Variants in OCA2 observed in about 807,000 individuals in gnomAD.
OCA2 encodes the protein OCA2 melanosomal transmembrane protein.
Under a neutral mutation model 100.2 loss-of-function variants are expected in OCA2, and 77 were observed. That is an observed-to-expected ratio of 0.77 (90% CI 0.64 to 0.93). The LOEUF (loss-of-function observed/expected upper bound fraction) is 0.93. Among genes scored for constraint, OCA2 ranks in the 40% least tolerant of loss-of-function variants. The pLI is 0.00. For missense variants in OCA2, 1,062 were observed against 1,089.1 expected, an observed-to-expected ratio of 0.98 and a Z score of 0.35; for synonymous variants, 432 against 439.2, an observed-to-expected ratio of 0.98 and a Z score of 0.21.
chr15:27,730,287 T>C, the OCA2 span, among the ~76,000 whole-genome samples: 1 of 152,058 alleles, frequency 6.6e-6, no homozygotes, highest in Non-Finnish European at 1.5e-5. Context: ...TAGTGTAAGG[T>C]CCTGGGGGAA....
rs150417530 is a variant in OCA2, at chr15:27,912,250, C to T, written c.2079+13877G>A. On this transcript the variant is annotated intron_variant, in intron 19 of 23. Transcript: ENST00000354638. ...GCTGATTGCGGAGGCCTAGATTCAG[C>T]GACATCTAAATTGCTACACACACAC... 6.2e-3 allele frequency among the ~76,000 whole-genome samples: 951 copies of T among 152,232 alleles called. 5 individuals are homozygous for T. The highest frequency in any genetic ancestry group is 0.017 in the Middle Eastern group (5 of 294).
chr15:27,851,368 C>A lies in OCA2; in HGVS notation c.2338+14G>T, dbSNP rs2035743932. ...GCGTGCACCCCCACCCCCATGCAGT[C>A]AGCAGCCCCTTACCTCCCAGGCAAG... On this transcript the variant is annotated intron_variant, in intron 22 of 23. Coordinates refer to ENST00000354638, the MANE Select transcript of OCA2 (RefSeq NM_000275.3). 1.2e-6 allele frequency: 2 copies of A among 1,611,102 alleles called. No individual in the cohort carries two copies. The highest frequency in any genetic ancestry group is 8.5e-7 in the Non-Finnish European group (1 of 1,177,948).
intron 21 of OCA2, 69 bp downstream of exon 21, chr15:27,871,085 A>G (rs2151495520): frequency 8.7e-7 from 1 of 1,152,662 alleles, no homozygotes; most frequent in East Asian, 2.3e-5. Context: ...CTGCCTTAGG[A>G]AGGGAGGGTG....
chr15:28,032,629 C>CA (rs59831968), intron 2 of OCA2, among the ~76,000 whole-genome samples: 13,441 of 140,972 alleles, frequency 0.095, 1,892 homozygotes, highest in African/African-American at 0.31. Context: ...ACTAAAAATA[C>CA]AAAAAAAAAA....
the OCA2 span, among the ~76,000 whole-genome samples, chr15:27,749,043 G>A: frequency 6.6e-6 from 1 of 152,262 alleles, no homozygotes; most frequent in Admixed American, 6.5e-5. Context: ...GAATGGGGCT[G>A]AAGGAATATT....
intron 18 of OCA2, among the ~76,000 whole-genome samples, chr15:27,937,891 T>C (rs2039513671): frequency 1.3e-5 from 2 of 152,222 alleles, no homozygotes; most frequent in African/African-American, 4.8e-5. Context: ...TAGTACACTT[T>C]GAGACATAAG....
chr15:28,071,172 T>TA (rs756669802), intron 2 of OCA2, among the ~76,000 whole-genome samples: 28,507 of 125,708 alleles, frequency 0.23, 5,038 homozygotes, highest in African/African-American at 0.52. Flanking sequence ...AAAAATAAAT[T>TA]AAAAAAAAAA....
intron 22 of OCA2, 104 bp downstream of exon 22, chr15:27,851,278 C>A: frequency 1.1e-6 from 1 of 918,600 alleles, no homozygotes; most frequent in South Asian, 1.4e-5. Context: ...ATCATCCAGA[C>A]TCTCCTTCAT....
the OCA2 span, among the ~76,000 whole-genome samples, chr15:27,722,846 CT>C: frequency 1.4e-5 from 2 of 146,964 alleles, no homozygotes; most frequent in Admixed American, 6.9e-5. Context: ...CTCTTTCTCT[CT>C]TTCTTTCTTT....
intron 19 of OCA2, among the ~76,000 whole-genome samples, chr15:27,925,871 A>G (rs1417333336): frequency 6.6e-6 from 1 of 152,246 alleles, no homozygotes; most frequent in African/African-American, 2.4e-5. Context: ...TATTTTATAG[A>G]AAATGAAATT....
At chr15:27,913,899 GCAAGCAAGCAAGCAAGCAAGCAA>G (rs2038549689) in intron 19 of OCA2, among the ~76,000 whole-genome samples, 1 of 32,824 alleles carries the variant, frequency 3.0e-5, no homozygotes, top group Admixed American at 4.3e-4. Context: ...AAGAAAGCAA[GCAAGCAAGCAAGCAAGCAAGCAA>G]GCAAGCAAGA....
chr15:27,874,544 A>C (rs1262461988), intron 19 of OCA2, among the ~76,000 whole-genome samples: 1 of 152,212 alleles, frequency 6.6e-6, no homozygotes, highest in Non-Finnish European at 1.5e-5. Flanking sequence ...ACAAGAAGAC[A>C]AGCAGCATGA....
the OCA2 span, among the ~76,000 whole-genome samples, chr15:27,724,685 C>G: frequency 1.3e-5 from 2 of 152,276 alleles, no homozygotes; most frequent in East Asian, 3.9e-4. Context: ...GGAACCCTGA[C>G]TGCTTTAGGG....
At chr15:28,028,547 A>G (rs1012631910) in intron 3 of OCA2, among the ~76,000 whole-genome samples, 4 of 152,138 alleles carry the variant, frequency 2.6e-5, no homozygotes, top group African/African-American at 9.7e-5. Context: ...AAGCATGAGC[A>G]GGAAGAGGGA....
chr15:28,022,878 A>T (rs1233707228), intron 5 of OCA2, among the ~76,000 whole-genome samples: 1 of 152,180 alleles, frequency 6.6e-6, no homozygotes, highest in East Asian at 1.9e-4. Flanking sequence ...AAGGCATATG[A>T]CCCCTGTGAT....
chr15:27,722,657 TCTTTCTTTC>T, the OCA2 span, among the ~76,000 whole-genome samples: 2 of 83,714 alleles, frequency 2.4e-5, no homozygotes, highest in African/African-American at 4.7e-5. Flanking sequence ...TTCTTTTCTC[TCTTTCTTTC>T]CTTTCTTTTC....
intron 23 of OCA2, among the ~76,000 whole-genome samples, chr15:27,770,848 T>TCCTCCCTC (rs1377170412): frequency 2.5e-4 from 25 of 98,996 alleles, no homozygotes; most frequent in East Asian, 1.1e-3. Context: ...CTCTTTTCCT[T>TCCTCCCTC]CCTTCCTTTC....
chr15:27,889,716 G>A (rs1325941798), intron 19 of OCA2, among the ~76,000 whole-genome samples: 2 of 152,212 alleles, frequency 1.3e-5, no homozygotes, highest in African/African-American at 2.4e-5. Context: ...CCAGGGAATG[G>A]GCAGGCTGTC....
chr15:27,962,003 A>G (rs1375071675), intron 15 of OCA2, among the ~76,000 whole-genome samples: 3 of 152,122 alleles, frequency 2.0e-5, no homozygotes, highest in African/African-American at 7.2e-5. Flanking sequence ...TTTTAAATTA[A>G]TTAATTAAAA....
Sources: allele counts gnomAD v4.1 joint callset (sites outside exome capture counted in the v4.1 genomes callset), GRCh38; gene constraint gnomAD v4.1.1; transcripts MANE v1.5; gene names NCBI Gene and HGNC (gene_info 2026-07-23, HGNC 2026-07-21).